The following NRXN3 variants were observed in gnomAD, a reference collection of about 807,000 sequenced individuals.
The protein encoded by NRXN3 is neurexin 3.
A neutral mutation model predicts 137.6 loss-of-function variants in NRXN3; 32 were observed. The ratio of observed to expected loss-of-function variants is 0.23; its 90% CI spans 0.18 to 0.31. The LOEUF is 0.31. Ranked by LOEUF, NRXN3 falls within the 10% of genes least tolerant of loss-of-function variation. The pLI, the probability that NRXN3 is intolerant of heterozygous loss-of-function variation, is 1.00. For missense variants in NRXN3, 1,574 were observed against 2,062.5 expected (o/e 0.76, Z 4.59); for synonymous variants, 798 against 784.5 (o/e 1.02, Z -0.29).
At chr14:79,161,055 T>C (rs1029154809) in intron 15 of NRXN3, among the ~76,000 whole-genome samples, 3 of 152,000 alleles carry the variant, frequency 2.0e-5, no homozygotes, top group African/African-American at 7.2e-5. Flanking sequence ...CATTCAATTT[T>C]AAGCCATGTA....
chr14:78,267,684 C>A (rs1324768883), intron 2 of NRXN3, among the ~76,000 whole-genome samples: 2 of 152,080 alleles, frequency 1.3e-5, no homozygotes, highest in Non-Finnish European at 2.9e-5. Context: ...AAAGATTTCT[C>A]TCCACTCAGT....
intron 4 of NRXN3, among the ~76,000 whole-genome samples, chr14:78,549,631 A>G (rs2096667898): frequency 6.6e-6 from 1 of 152,242 alleles, no homozygotes; most frequent in African/African-American, 2.4e-5. Flanking sequence ...AAAAAAATAA[A>G]TGTATGGATG....
chr14:78,406,966 G>A (rs770859454), intron 4 of NRXN3, among the ~76,000 whole-genome samples: 1 of 152,088 alleles, frequency 6.6e-6, no homozygotes, highest in Non-Finnish European at 1.5e-5. Flanking sequence ...AGTGAAACTC[G>A]GGTCCTAAAA....
At chr14:79,014,053 A>C (rs534031036) in intron 15 of NRXN3, among the ~76,000 whole-genome samples, 37 of 152,186 alleles carry the variant, frequency 2.4e-4, no homozygotes, top group Non-Finnish European at 4.1e-4. Context: ...CATTCACTAA[A>C]GTGGCCTGAG....
At chr14:78,280,122 C>T (rs1159719841) in intron 3 of NRXN3, among the ~76,000 whole-genome samples, 1 of 152,054 alleles carries the variant, frequency 6.6e-6, no homozygotes, top group South Asian at 2.1e-4. Flanking sequence ...TATTTATGTT[C>T]CAGGAACTGT....
At chr14:78,937,093 G>A (rs942546825) in intron 10 of NRXN3, among the ~76,000 whole-genome samples, 2 of 150,150 alleles carry the variant, frequency 1.3e-5, no homozygotes, top group African/African-American at 4.9e-5. Context: ...GTGGTGGCAG[G>A]CACCCGTAAT....
intron 6 of NRXN3, among the ~76,000 whole-genome samples, chr14:78,708,059 G>C (rs1235953267): frequency 1.3e-5 from 2 of 152,204 alleles, no homozygotes; most frequent in Non-Finnish European, 2.9e-5. Flanking sequence ...CCTCTGGGTA[G>C]ATACCCAGTA....
At chr14:78,972,503 A>G (rs754262225) in intron 14 of NRXN3, among the ~76,000 whole-genome samples, 14 of 152,154 alleles carry the variant, frequency 9.2e-5, no homozygotes, top group Non-Finnish European at 1.8e-4. Context: ...AAGTATTTCT[A>G]TGGGCTCCAT....
intron 4 of NRXN3, among the ~76,000 whole-genome samples, chr14:78,554,732 G>A (rs1217063139): frequency 6.6e-6 from 1 of 152,152 alleles, no homozygotes; most frequent in Non-Finnish European, 1.5e-5. Flanking sequence ...GAACTTAAAA[G>A]AGTAAACGTG....
At chr14:78,821,723 C>A (rs750998331) in intron 10 of NRXN3, among the ~76,000 whole-genome samples, 9 of 151,908 alleles carry the variant, frequency 5.9e-5, no homozygotes, top group African/African-American at 1.9e-4. Flanking sequence ...AGCCACTGGG[C>A]CGGTTATCTC....
At chr14:78,631,451 G>A (rs2097522364) in intron 4 of NRXN3, among the ~76,000 whole-genome samples, 1 of 152,172 alleles carries the variant, frequency 6.6e-6, no homozygotes. Flanking sequence ...TCACAGTTTT[G>A]TCATAACTCG....
intron 15 of NRXN3, among the ~76,000 whole-genome samples, chr14:79,113,880 T>A (rs2053958174): frequency 6.6e-6 from 1 of 152,216 alleles, no homozygotes; most frequent in South Asian, 2.1e-4. Context: ...TCCGTCGGGC[T>A]AGGATGTAGA....
chr14:79,641,190 A>T lies in NRXN3; in HGVS notation c.3445-22588A>T, dbSNP rs1431323161. 4.5e-5 allele frequency among the ~76,000 whole-genome samples: 6 copies of T among 133,648 alleles called. 1 individual carries two copies. Among genetic ancestry groups the T allele is most frequent in the Non-Finnish European group, 8.7e-5 (5 of 57,574 alleles). 87.7% of individuals were successfully genotyped at this position (133,648 alleles called of 152,430 possible). ...GCCTGGCTAATTCTTCTGTATTTTT[A>T]GTAGAGATTGAGTTTCACCATGTTG... On this transcript the variant is annotated intron_variant, in intron 16 of 20. Transcript: ENST00000335750.
At chr14:79,000,721 G>A (rs2153107074) in intron 15 of NRXN3, among the ~76,000 whole-genome samples, 1 of 152,244 alleles carries the variant, frequency 6.6e-6, no homozygotes, top group South Asian at 2.1e-4. Context: ...CGGGAGGTGA[G>A]CTTTAGAAAA....
intron 15 of NRXN3, among the ~76,000 whole-genome samples, chr14:79,259,422 T>C (rs944437128): frequency 6.6e-6 from 1 of 151,984 alleles, no homozygotes; most frequent in African/African-American, 2.4e-5. Flanking sequence ...TCAGCATTTG[T>C]AGTCAGCATT....
chr14:78,181,557 C>G (rs2059808766), intron 1 of NRXN3, among the ~76,000 whole-genome samples: 4 of 152,152 alleles, frequency 2.6e-5, no homozygotes, highest in Admixed American at 2.6e-4. Context: ...TGCAGTGACT[C>G]TTGCTTAGTG....
At chr14:78,496,819 G>C (rs2095793528) in intron 4 of NRXN3, among the ~76,000 whole-genome samples, 2 of 152,020 alleles carry the variant, frequency 1.3e-5, no homozygotes, top group South Asian at 4.1e-4. Context: ...AGGGAAGAGG[G>C]AGAAGTTAAC....
At chr14:79,543,092 C>T (rs534529984) in intron 16 of NRXN3, among the ~76,000 whole-genome samples, 1 of 152,220 alleles carries the variant, frequency 6.6e-6, no homozygotes, top group East Asian at 1.9e-4. Flanking sequence ...CTTATGAAGG[C>T]AAATTGCTCA....
At chr14:78,492,344 G>T (rs918793661) in intron 4 of NRXN3, among the ~76,000 whole-genome samples, 1 of 151,870 alleles carries the variant, frequency 6.6e-6, no homozygotes, top group African/African-American at 2.4e-5. Context: ...AATAATTACC[G>T]TCAATTAACA....
Sources: gnomAD v4.1 joint callset for allele counts (sites outside exome capture counted in the v4.1 genomes callset) on GRCh38, gnomAD v4.1.1 for gene constraint, MANE v1.5 for transcripts, NCBI Gene and HGNC (gene_info 2026-07-23, HGNC 2026-07-21) for gene names.